Variants in LRMDA observed in about 807,000 individuals in gnomAD.
The protein encoded by LRMDA is leucine-rich melanocyte differentiation-associated protein.
LRMDA carries 18 observed loss-of-function variants against 29.8 expected under a neutral mutation model. The ratio of observed to expected loss-of-function variants is 0.60; its 90% CI spans 0.42 to 0.90. The LOEUF is 0.90. LRMDA is among the 40% of genes least tolerant of loss of function. LRMDA has a pLI of 0.00. For synonymous variants in LRMDA, 125 were observed against 109.4 expected, an observed-to-expected ratio of 1.14 and a Z score of -0.89; for missense variants, 273 against 273.9, an observed-to-expected ratio of 1.00 and a Z score of 0.02.
At chr10:75,587,148 G>A (rs1163820511) in intron 2 of LRMDA, among the ~76,000 whole-genome samples, 1 of 152,100 alleles carries the variant, frequency 6.6e-6, no homozygotes, top group East Asian at 1.9e-4. Context: ...TTTTGTGTGT[G>A]TGGTGTCAGA....
chr10:75,977,197 A>G (rs1460137770), intron 2 of LRMDA, among the ~76,000 whole-genome samples: 5 of 149,830 alleles, frequency 3.3e-5, no homozygotes, highest in South Asian at 2.1e-4. Context: ...GAGCCAGACT[A>G]TGTATTTACT....
chr10:75,755,368 T>G (rs573410733), intron 2 of LRMDA, among the ~76,000 whole-genome samples: 22 of 152,236 alleles, frequency 1.4e-4, no homozygotes, highest in Non-Finnish European at 3.1e-4. Context: ...AAAGATTTCT[T>G]AGATGAATGA....
Position 75,431,758 on chromosome 10 carries a change from A to G in LRMDA, c.30+4A>G. On this transcript the variant is annotated splice_donor_region_variant and intron_variant, in intron 1 of 6. Transcript: ENST00000611255. ...GCTCGTGGTGCGTGGAACTCAAGTA[A>G]GTCCCGGCCAGCCCCGCCTCCGCCC... The G allele has an allele frequency of 7.3e-7, 1 of 1,369,264 alleles. No individual in the cohort carries two copies. The highest frequency in any genetic ancestry group is 1.8e-5 in the South Asian group (1 of 54,706). 84.8% of individuals were successfully genotyped at this position (1,369,264 alleles called of 1,614,324 possible).
At chr10:75,577,224 C>G (rs914153362) in intron 2 of LRMDA, among the ~76,000 whole-genome samples, 2 of 152,026 alleles carry the variant, frequency 1.3e-5, no homozygotes, top group Non-Finnish European at 2.9e-5. Flanking sequence ...AAACACAGCA[C>G]GAGAACTTCG....
At chr10:76,463,917 ATT>A (rs763472626) in intron 6 of LRMDA, among the ~76,000 whole-genome samples, 4,863 of 112,882 alleles carry the variant, frequency 0.043, 156 homozygotes, top group Non-Finnish European at 0.051. Flanking sequence ...TGCAAAATAA[ATT>A]TTTTTTTTTT....
chr10:75,913,414 C>T (rs1484797906), intron 2 of LRMDA, among the ~76,000 whole-genome samples: 1 of 152,132 alleles, frequency 6.6e-6, no homozygotes, highest in African/African-American at 2.4e-5. Context: ...CAAGATCGCG[C>T]CACTGCACTC....
At chr10:75,594,057 A>G (rs1293247183) in intron 2 of LRMDA, among the ~76,000 whole-genome samples, 1 of 152,196 alleles carries the variant, frequency 6.6e-6, no homozygotes, top group Non-Finnish European at 1.5e-5. Flanking sequence ...CTTTTGTCCC[A>G]GTAAATGTAG....
At chr10:75,645,021 C>A (rs932138040) in intron 2 of LRMDA, among the ~76,000 whole-genome samples, 1 of 150,836 alleles carries the variant, frequency 6.6e-6, no homozygotes, top group African/African-American at 2.5e-5. Context: ...GGGTCACTGT[C>A]TCCCAGGCTA....
intron 2 of LRMDA, among the ~76,000 whole-genome samples, chr10:75,852,417 GAA>G (rs1844746872): frequency 6.6e-6 from 1 of 151,926 alleles, no homozygotes; most frequent in Non-Finnish European, 1.5e-5. Flanking sequence ...ACACTTTTTG[GAA>G]AAGAGGTTAA....
At chr10:75,705,847 T>C (rs769163840) in intron 2 of LRMDA, among the ~76,000 whole-genome samples, 8 of 151,700 alleles carry the variant, frequency 5.3e-5, no homozygotes, top group Non-Finnish European at 1.0e-4. Context: ...TTTTCTATTT[T>C]TTAATTCATT....
chr10:75,679,840 TCTC>T (rs1469461860), intron 2 of LRMDA, among the ~76,000 whole-genome samples: 1 of 152,148 alleles, frequency 6.6e-6, no homozygotes, highest in East Asian at 1.9e-4. Flanking sequence ...CACAATAACA[TCTC>T]CTTCTTTGGA....
At chr10:75,810,509 A>G (rs919551695) in intron 2 of LRMDA, among the ~76,000 whole-genome samples, 3 of 152,204 alleles carry the variant, frequency 2.0e-5, no homozygotes, top group Non-Finnish European at 4.4e-5. Context: ...TGACATCTAG[A>G]TTCTGGCTTT....
At chr10:75,439,183 G>C (rs1261999430) in intron 2 of LRMDA, among the ~76,000 whole-genome samples, 2 of 152,164 alleles carry the variant, frequency 1.3e-5, no homozygotes, top group Admixed American at 6.5e-5. Context: ...TGGTTTGGGG[G>C]CTTGGAGGAA....
At chr10:75,686,306 CTGCATTCTT>C in intron 2 of LRMDA, among the ~76,000 whole-genome samples, 1 of 152,292 alleles carries the variant, frequency 6.6e-6, no homozygotes, top group Admixed American at 6.5e-5. Flanking sequence ...AGTCTTCTTC[CTGCATTCTT>C]TGCCTGGCCT....
chr10:75,974,600 A>G (rs905795666), intron 2 of LRMDA, among the ~76,000 whole-genome samples: 5 of 152,184 alleles, frequency 3.3e-5, no homozygotes, highest in Admixed American at 1.3e-4. Context: ...AACTCATTCA[A>G]TCCTCCCAGC....
chr10:76,222,270 G>T (rs1452222765), intron 5 of LRMDA, among the ~76,000 whole-genome samples: 1 of 152,082 alleles, frequency 6.6e-6, no homozygotes, highest in Non-Finnish European at 1.5e-5. Flanking sequence ...TTGACAAATG[G>T]GATCTAATTA....
chr10:76,256,508 TACAG>T (rs1341998296), intron 5 of LRMDA, among the ~76,000 whole-genome samples: 1 of 152,204 alleles, frequency 6.6e-6, no homozygotes, highest in African/African-American at 2.4e-5. Flanking sequence ...CTGCTCCAGG[TACAG>T]ACAATGAGGG....
At chr10:75,856,929 A>T (rs1844837869) in intron 2 of LRMDA, among the ~76,000 whole-genome samples, 1 of 152,210 alleles carries the variant, frequency 6.6e-6, no homozygotes, top group South Asian at 2.1e-4. Flanking sequence ...ATATTTAGAA[A>T]ACCCCATTGT....
intron 6 of LRMDA, among the ~76,000 whole-genome samples, chr10:76,387,197 G>A (rs1048585952): frequency 6.6e-6 from 1 of 152,116 alleles, no homozygotes; most frequent in Non-Finnish European, 1.5e-5. Flanking sequence ...ACACAAAAAT[G>A]CAGTCAAAGA....
Sources: allele counts gnomAD v4.1 joint callset (sites outside exome capture counted in the v4.1 genomes callset), GRCh38; gene constraint gnomAD v4.1.1; transcripts MANE v1.5; gene names NCBI Gene and HGNC (gene_info 2026-07-23, HGNC 2026-07-21).